Variants in TNS3 observed in about 807,000 individuals in gnomAD.
The protein encoded by TNS3 is tensin-3.
TNS3 carries 45 observed loss-of-function variants against 140.9 expected under a neutral mutation model. The observed-to-expected ratio is 0.32, with a 90% CI of 0.25 to 0.41. The LOEUF is 0.41. TNS3 is among the 10% of genes least tolerant of loss of function. The pLI is 1.00. For synonymous variants in TNS3, 815 were observed against 788.4 expected (o/e 1.03, Z -0.56); for missense variants, 1,716 against 1,906.7 (o/e 0.90, Z 1.86).
chr7:47,516,713 G>C (rs1798789038), intron 2 of TNS3, among the ~76,000 whole-genome samples: 1 of 152,192 alleles, frequency 6.6e-6, no homozygotes, highest in Non-Finnish European at 1.5e-5. Flanking sequence ...ACGCTGACAA[G>C]AGCAATGGCT....
At chr7:47,511,377 A>T (rs1453903199) in intron 2 of TNS3, among the ~76,000 whole-genome samples, 2 of 152,140 alleles carry the variant, frequency 1.3e-5, no homozygotes, top group East Asian at 3.9e-4. Flanking sequence ...ACAAAAAAAA[A>T]TGCACCTCCT....
At chr7:47,293,006 C>A in intron 25 of TNS3, 101 bp from the exon 26 acceptor site, 3 of 1,019,198 alleles carry the variant, frequency 2.9e-6, no homozygotes, top group Non-Finnish European at 2.9e-6. Flanking sequence ...AAAGGCTGAG[C>A]CCTTATCTTT....
At chr7:47,371,154 A>G (rs1791052136) in intron 16 of TNS3, among the ~76,000 whole-genome samples, 1 of 152,118 alleles carries the variant, frequency 6.6e-6, no homozygotes. Context: ...AGGGTCTGGG[A>G]GTAGAAATGC....
intron 1 of TNS3, among the ~76,000 whole-genome samples, chr7:47,577,385 G>A (rs1265872144): frequency 1.3e-5 from 2 of 152,212 alleles, no homozygotes; most frequent in Admixed American, 6.5e-5. Context: ...GAGGAAGGAA[G>A]AGTAAAGAAA....
chr7:47,478,530 C>T (rs1455883022), intron 4 of TNS3, among the ~76,000 whole-genome samples: 1 of 152,098 alleles, frequency 6.6e-6, no homozygotes, highest in Non-Finnish European at 1.5e-5. Context: ...TATATACCCT[C>T]AGATATATAA....
At chr7:47,562,909 A>G (rs1372324791) in intron 1 of TNS3, among the ~76,000 whole-genome samples, 1 of 152,252 alleles carries the variant, frequency 6.6e-6, no homozygotes, top group Non-Finnish European at 1.5e-5. Flanking sequence ...GGCACACGGA[A>G]GATGGGTTTC....
intron 16 of TNS3, among the ~76,000 whole-genome samples, chr7:47,375,667 T>C (rs1791337950): frequency 6.6e-6 from 1 of 152,126 alleles, no homozygotes; most frequent in South Asian, 2.1e-4. Context: ...CAAAAAAATA[T>C]ATGAAAACAT....
rs1210729112 is a variant in TNS3 at position 47,369,306 on chromosome 7, G to C, written c.1340C>G (p.Ala447Gly). 1.2e-6 allele frequency: 2 copies of C among 1,614,148 alleles called. No individual in the cohort carries two copies. Among genetic ancestry groups the C allele is most frequent in the Admixed American group, 1.7e-5 (1 of 60,030 alleles). ...GCGGGTCCCACTGTACTTGCTTCGA[G>C]CATCAGTCATTTCCTTGAGGGAGCT... ...PGSSLKEMTD[A>G]RSKYSGTRHV... is the part of the protein sequence containing the mutation. Residue 447 changes from alanine to glycine, a missense_variant, in exon 17 of 31, where the codon GCT (alanine) becomes GGT (glycine). Around this residue, in one of 3 missense-constraint regions of TNS3, gnomAD observed 1,163 missense variants for 1,182.1 expected, o/e 0.98. Coordinates refer to ENST00000311160, the MANE Select transcript of TNS3 (RefSeq NM_022748.12).
chr7:47,430,295 A>AT (rs796347182), intron 8 of TNS3, among the ~76,000 whole-genome samples: 5 of 151,848 alleles, frequency 3.3e-5, no homozygotes, highest in East Asian at 1.9e-4. Flanking sequence ...TGCCCGGCTA[A>AT]TTTTTTGTAT....
At chr7:47,421,595 C>T (rs1321040748) in intron 10 of TNS3, among the ~76,000 whole-genome samples, 2 of 152,122 alleles carry the variant, frequency 1.3e-5, no homozygotes, top group Non-Finnish European at 2.9e-5. Flanking sequence ...TTAACTACTT[C>T]TCAAAGAGGA....
intron 4 of TNS3, among the ~76,000 whole-genome samples, chr7:47,448,208 C>T (rs1213349750): frequency 1.3e-5 from 2 of 152,248 alleles, no homozygotes; most frequent in African/African-American, 4.8e-5. Context: ...CAGCAGCCTC[C>T]TCTGCACTCA....
At chr7:47,345,911 C>G (rs1471950523) in intron 18 of TNS3, among the ~76,000 whole-genome samples, 6 of 152,206 alleles carry the variant, frequency 3.9e-5, no homozygotes, top group Admixed American at 3.9e-4. Context: ...CATAGAGGCT[C>G]GAGTGCCCTG....
intron 1 of TNS3, among the ~76,000 whole-genome samples, chr7:47,577,999 T>C (rs1800713227): frequency 6.6e-6 from 1 of 151,730 alleles, no homozygotes; most frequent in African/African-American, 2.4e-5. Flanking sequence ...AAAAGAGTAG[T>C]AGACTACTGC....
intron 20 of TNS3, among the ~76,000 whole-genome samples, chr7:47,334,245 G>T (rs1174887173): frequency 1.3e-5 from 2 of 152,334 alleles, no homozygotes; most frequent in South Asian, 2.1e-4. Context: ...CAGCAGAGAA[G>T]AGGCTGCATG....
At chr7:47,338,825 T>A (rs936534062) in intron 20 of TNS3, among the ~76,000 whole-genome samples, 2 of 152,216 alleles carry the variant, frequency 1.3e-5, no homozygotes, top group Admixed American at 1.3e-4. Context: ...GTCTTTTTGG[T>A]AGAATGATTT....
chr7:47,581,516 G>A (rs975340252), intron 1 of TNS3: 2 of 152,218 alleles, frequency 1.3e-5, no homozygotes, highest in Admixed American at 6.5e-5. Flanking sequence ...CTGGAGTCTC[G>A]AGACGGAGTC....
intron 13 of TNS3, chr7:47,405,680 A>C (rs1057222793): frequency 3.0e-6 from 2 of 677,410 alleles, no homozygotes; most frequent in African/African-American, 3.5e-5. Flanking sequence ...GGAAAAGGCA[A>C]TCACAAAATA....
At chr7:47,581,751 C>A (rs1784539800) in intron 1 of TNS3, 1 of 150,948 alleles carries the variant, frequency 6.6e-6, no homozygotes, top group Non-Finnish European at 1.5e-5. Context: ...CCGCCCCCCA[C>A]GCGCCGCAAA....
chr7:47,383,689 G>C (rs1791907747), intron 16 of TNS3, among the ~76,000 whole-genome samples: 1 of 152,194 alleles, frequency 6.6e-6, no homozygotes, highest in South Asian at 2.1e-4. Context: ...AGCGTCTGGG[G>C]ACAGAGGCAG....
Sources: gnomAD v4.1 joint callset for allele counts (sites outside exome capture counted in the v4.1 genomes callset) on GRCh38, gnomAD v4.1.1 for gene constraint, gnomAD v4.1.1 regional missense constraint, MANE v1.5 for transcripts, NCBI Gene and HGNC (gene_info 2026-07-23, HGNC 2026-07-21) for gene names.